Variants in SLC35B3 observed in about 807,000 individuals in gnomAD.
The protein encoded by SLC35B3 is adenosine 3'-phospho 5'-phosphosulfate transporter 2.
SLC35B3 carries 35 observed loss-of-function variants against 44.1 expected under a neutral mutation model. The observed-to-expected ratio is 0.79, with a 90% confidence interval of 0.61 to 1.05. The LOEUF (loss-of-function observed/expected upper bound fraction) is 1.05. Among genes scored for constraint, SLC35B3 ranks in the 50% least tolerant of loss-of-function variants. The pLI, the probability that SLC35B3 is intolerant of heterozygous loss-of-function variation, is 0.00. For missense variants in SLC35B3, 414 were observed against 476.4 expected, an observed-to-expected ratio of 0.87 and a Z score of 1.22; for synonymous variants, 146 against 167.3, an observed-to-expected ratio of 0.87 and a Z score of 0.98.
intron 2 of SLC35B3, among the ~76,000 whole-genome samples, chr6:8,431,678 A>G (rs1764002284): frequency 6.6e-6 from 1 of 152,204 alleles, no homozygotes; most frequent in Admixed American, 6.5e-5. Context: ...GTAATCTTGC[A>G]GGGTATCTTT....
rs1762088995 is a variant in SLC35B3 at position 8,412,565 on chromosome 6, T to C, written c.*984A>G. On this transcript the variant is annotated 3_prime_UTR_variant, in exon 11 of 11. Coordinates refer to ENST00000644923, the MANE Select transcript of SLC35B3 (RefSeq NM_001370476.2). ...CATGATGCAGAATGATGTCTGTTTT[T>C]ACTACCTTGCCTATATTCTACATAA... 6.6e-6 allele frequency among the ~76,000 whole-genome samples: 1 copy of C among 152,224 alleles called. No individual in the cohort carries two copies. Among genetic ancestry groups the C allele is most frequent in the Non-Finnish European group, 1.5e-5 (1 of 68,034 alleles).
Position 8,434,341 on chromosome 6 carries a change from A to G in SLC35B3, c.3+44T>C. ...ATTAACCTGAAAAAACGTGATTTTA[A>G]CTATACTTTGCCACACTCAACGTTA... On this transcript the variant is annotated intron_variant, in intron 2 of 10. Coordinates refer to ENST00000644923, the MANE Select transcript of SLC35B3 (RefSeq NM_001370476.2). This position sits in a 1 kb window ranked among gnomAD's most constrained non-coding sequence, Gnocchi z 6.3. The G allele has an allele frequency of 1.9e-6, 3 of 1,585,554 alleles. No individual in the cohort carries two copies. The highest frequency in any genetic ancestry group is 2.6e-6 in the Non-Finnish European group (3 of 1,156,020).
At chr6:8,422,372 A>T in intron 5 of SLC35B3, 98 bp downstream of exon 4, 2 of 938,136 alleles carry the variant, frequency 2.1e-6, no homozygotes, top group Non-Finnish European at 3.3e-6. Flanking sequence ...TAGAATGCTC[A>T]TTGAAAATGT....
rs1017039825 is a variant in SLC35B3 at position 8,434,485 on chromosome 6, A to G, written c.-43-55T>C. On this transcript the variant is annotated intron_variant, in intron 1 of 10. Transcript: ENST00000644923. This position sits in a 1 kb window ranked among gnomAD's most constrained non-coding sequence, Gnocchi z 6.3. ...ACAAAGTTCCATCTCATTTCTTTGT[A>G]CACACATCATTACACAAAGGTGGAG... 4 of 1,472,904 alleles carry G rather than the reference A, an allele frequency of 2.7e-6. No homozygotes were observed. The South Asian group carries it at 4.7e-5, about 17-fold the overall frequency. The allele number at this position is 1,472,904 out of a possible 1,614,324, so 91.2% of individuals were successfully genotyped here.
intron 4 of SLC35B3, 27 bp downstream of exon 3, chr6:8,427,910 A>G: frequency 3.1e-6 from 5 of 1,592,910 alleles, no homozygotes; most frequent in Non-Finnish European, 4.3e-6. Context: ...ATATAGAAAT[A>G]TCAAAAAATA....
At position 8,413,505 on chromosome 6, in the gene SLC35B3, T is replaced by G. The variant is rs755583811; in HGVS notation, c.*44A>C. 1.3e-6 allele frequency: 2 copies of G among 1,528,766 alleles called. No homozygotes were observed. The highest frequency in any genetic ancestry group is 2.0e-5 in the Admixed American group (1 of 49,966). The allele number at this position is 1,528,766 out of a possible 1,614,324, so 94.7% of individuals were successfully genotyped here. The stretch of plus-strand genomic sequence containing the variant: ...TCCCTTTGGAAAGTTAATTAATTGA[T>G]GATTGTTCCCTTAAAATTCTATTTT... On this transcript the variant is annotated 3_prime_UTR_variant, in exon 11 of 11. Coordinates refer to ENST00000644923, the MANE Select transcript of SLC35B3 (RefSeq NM_001370476.2).
rs559872639 is a variant in SLC35B3 at position 8,424,333 on chromosome 6, A to G, written c.420-1709T>C. The stretch of plus-strand genomic sequence containing the variant: ...AGTGGCGCCATCTTGGCTCACTGCA[A>G]CCTCCGCCTCCCAGGTTCAAACCAT... On this transcript the variant is annotated intron_variant, in intron 4 of 10. Coordinates refer to ENST00000644923, the MANE Select transcript of SLC35B3 (RefSeq NM_001370476.2). Among the ~76,000 whole-genome samples the G allele has an allele frequency of 2.0e-5, 3 of 152,190 alleles. No individual in the cohort carries two copies. The East Asian group carries it at 5.8e-4, about 29-fold the overall frequency.
chr6:8,429,000 A>G (rs1295422015), intron 3 of SLC35B3, among the ~76,000 whole-genome samples: 1 of 152,200 alleles, frequency 6.6e-6, no homozygotes, highest in Non-Finnish European at 1.5e-5. Flanking sequence ...CATCTCTACA[A>G]GACAATGAAA....
intron 9 of SLC35B3, among the ~76,000 whole-genome samples, chr6:8,415,396 T>A (rs1015451692): frequency 1.3e-5 from 2 of 152,154 alleles, no homozygotes; most frequent in Non-Finnish European, 2.9e-5. Flanking sequence ...GATAAGACTA[T>A]AAGTAACCAT....
chr6:8,428,037 C>T lies in SLC35B3; in HGVS notation c.319G>A (p.Gly107Ser), dbSNP rs758226161. The change falls in exon 4 of 11, where the codon GGT becomes AGT. Residue 107 changes from glycine (G) to serine (S), a missense_variant. Transcript: ENST00000644923. Reference sequence around the variant, plus strand: ...AGGTACCAGCCACAGGACTTAAAACCCTCCACTGAAAATATTAATTCCTGT... The same window carrying T: ...AGGTACCAGCCACAGGACTTAAAACTCTCCACTGAAAATATTAATTCCTGT... 1 of 1,593,216 alleles carries T rather than the reference C, an allele frequency of 6.3e-7. No homozygotes were observed. The highest frequency in any genetic ancestry group is 1.7e-5 in the Admixed American group (1 of 57,260).
chr6:8,416,796 A>G (rs1762449274), intron 9 of SLC35B3, 88 bp downstream of exon 8: 1 of 549,666 alleles, frequency 1.8e-6, no homozygotes, highest in African/African-American at 1.9e-5. Context: ...TTTAATATAA[A>G]GGAGATGTTG....
At chr6:8,425,612 C>G (rs999495380) in intron 4 of SLC35B3, among the ~76,000 whole-genome samples, 1 of 151,832 alleles carries the variant, frequency 6.6e-6, no homozygotes, top group Non-Finnish European at 1.5e-5. Context: ...CATGAAGAAA[C>G]CTGTAATATA....
chr6:8,418,239 ACTTT>A (rs1306985266), intron 7 of SLC35B3, among the ~76,000 whole-genome samples: 1 of 152,110 alleles, frequency 6.6e-6, no homozygotes, highest in Non-Finnish European at 1.5e-5. Flanking sequence ...CATTATATTA[ACTTT>A]CTAACAACCT....
chr6:8,429,798 T>G, intron 3 of SLC35B3, 66 bp downstream of exon 2: 2 of 1,202,932 alleles, frequency 1.7e-6, no homozygotes. Flanking sequence ...GCAAAACTAG[T>G]AAATGCCCAT....
At position 8,422,578 on chromosome 6, in the gene SLC35B3, T is replaced by C; in HGVS notation, c.466A>G (p.Thr156Ala). 6.2e-7 allele frequency: 1 copy of C among 1,612,950 alleles called. No homozygotes were observed. ...AAGGAAGTGTTTGATAACCCCATAG[T>C]ACCCACAGTTAGAAAAGCTATTATC... is the stretch of plus-strand genomic sequence containing the variant. Residue 156 changes from threonine (T) to alanine (A), a missense_variant, in exon 5 of 11, where the codon ACT becomes GCT. Physicochemically the swap from Thr to Ala is moderately conservative, Grantham distance 58. Coordinates refer to ENST00000644923, the MANE Select transcript of SLC35B3 (RefSeq NM_001370476.2).
chr6:8,419,529 C>A lies in SLC35B3; in HGVS notation c.780+51G>T, dbSNP rs777990383. ...AATTATTTCATCAAATTACGTGTAT[C>A]ACCATTTTTTAAATCTGTCTAATTT... On this transcript the variant is annotated intron_variant, in intron 7 of 10. Coordinates refer to ENST00000644923, the MANE Select transcript of SLC35B3 (RefSeq NM_001370476.2). The surrounding 1 kb of genome is among the most constrained non-coding windows in gnomAD (Gnocchi z 4.3). 4 of 926,640 alleles carry A rather than the reference C, an allele frequency of 4.3e-6. No homozygotes were observed. The highest frequency in any genetic ancestry group is 4.9e-6 in the Non-Finnish European group (3 of 613,854). The allele number at this position is 926,640 out of a possible 1,614,324, so 57.4% of individuals were successfully genotyped here.
rs1346425474 is a variant in SLC35B3, at chr6:8,435,197, AAAGGGAATCACCCGTTTCTT to A, written c.-44+126_-44+145del. The A allele has an allele frequency of 7.8e-7, 1 of 1,288,798 alleles. No individual in the cohort carries two copies. Among genetic ancestry groups the A allele is most frequent in the Admixed American group, 2.3e-5 (1 of 43,534 alleles). 79.8% of individuals were successfully genotyped at this position (1,288,798 alleles called of 1,614,324 possible). A position where few individuals can be genotyped will look rare whatever the true frequency, so the allele number is the denominator to read the frequency against. On this transcript the variant is annotated intron_variant, in intron 1 of 10. Coordinates refer to ENST00000644923, the MANE Select transcript of SLC35B3 (RefSeq NM_001370476.2). The surrounding 1 kb of genome is among the most constrained non-coding windows in gnomAD (Gnocchi z 5.5). The stretch of plus-strand genomic sequence containing the variant: ...CCCGGCCGGTTTCCGCTCTTTCAAA[AAAGGGAATCACCCGTTTCTT>A]CCATCCCGACCTCATCCATTCCTCG...
rs748556231 is a variant in SLC35B3 at position 8,417,476 on chromosome 6, T to C, written c.799A>G (p.Ile267Val). 1.9e-6 allele frequency: 3 copies of C among 1,594,642 alleles called. No individual in the cohort carries two copies. Among genetic ancestry groups the C allele is most frequent in the Non-Finnish European group, 2.6e-6 (3 of 1,170,136 alleles). The change falls in exon 8 of 11, where the codon ATT (isoleucine) becomes GTT (valine). Residue 267 changes from isoleucine (I) to valine (V), a missense_variant. Ile to Val is a conservative substitution (Grantham distance 29, BLOSUM62 3). Transcript: ENST00000644923. Reference sequence around the variant, plus strand: ...CCCAGTAAAATGTATACAAAACCAATTGAATACGAATACAATACCTAGAGC... The same window carrying C: ...CCCAGTAAAATGTATACAAAACCAACTGAATACGAATACAATACCTAGAGC...
rs1762070453 is a variant in SLC35B3 at position 8,411,683 on chromosome 6, A to G, written c.*1866T>C. On this transcript the variant is annotated 3_prime_UTR_variant, in exon 11 of 11. Coordinates refer to ENST00000644923, the MANE Select transcript of SLC35B3 (RefSeq NM_001370476.2). ...ATTCCTCATGCTGGACCCCTCCATG[A>G]TACAGGCTCTGTTGTACCTGCATAT... Among the ~76,000 whole-genome samples the G allele has an allele frequency of 1.3e-5, 2 of 152,204 alleles. No homozygotes were observed. The highest frequency in any genetic ancestry group is 1.3e-4 in the Admixed American group (2 of 15,270).
Sources: allele counts gnomAD v4.1 joint callset (sites outside exome capture counted in the v4.1 genomes callset), GRCh38; gene constraint gnomAD v4.1.1; non-coding constraint Gnocchi (gnomAD v3.1); transcripts MANE v1.5; gene names NCBI Gene and HGNC (gene_info 2026-07-23, HGNC 2026-07-21).